OFD1: variants seen among roughly 807,000 people sequenced by gnomAD.
OFD1 encodes OFD1 centriole and centriolar satellite protein, also known as centriole and centriolar satellite protein OFD1.
OFD1 carries 12 observed loss-of-function variants against 81.4 expected under a neutral mutation model. That is an observed-to-expected ratio of 0.15 (90% CI 0.09 to 0.24). OFD1 has a LOEUF of 0.24. Ranked by LOEUF, OFD1 falls within the 10% of genes least tolerant of loss-of-function variation. OFD1 has a pLI of 1.00. For missense variants in OFD1, 685 were observed against 733.9 expected, an observed-to-expected ratio of 0.93 and a Z score of 0.77; for synonymous variants, 256 against 263.7, an observed-to-expected ratio of 0.97 and a Z score of 0.28.
upstream of OFD1, among the ~76,000 whole-genome samples, chrX:13,733,430 A>T (rs781353679): frequency 5.4e-5 from 6 of 111,651 alleles, no homozygotes; most frequent in Non-Finnish European, 1.1e-4. Context: ...CATGCCTGGA[A>T]TGTTCTCCTT....
the OFD1 span, chrX:13,716,589 C>T: frequency 8.3e-7 from 1 of 1,211,717 alleles, no homozygotes; most frequent in Non-Finnish European, 1.1e-6. Flanking sequence ...CCACAGTTTT[C>T]AAGTACATGT....
chrX:13,736,099 C>T, intron 2 of OFD1: 1 of 806,405 alleles, frequency 1.2e-6, no homozygotes, highest in Non-Finnish European at 1.5e-6. Context: ...TGGTTATATT[C>T]TCCAACAGTC....
chrX:13,736,399 T>C, intron 2 of OFD1, 79 bp from the exon 3 acceptor site: 3 of 1,099,097 alleles, frequency 2.7e-6, no homozygotes, highest in Non-Finnish European at 3.8e-6. Context: ...CTCATCTGTG[T>C]ATATCTCTAA....
At chrX:13,762,219 T>G in intron 17 of OFD1, 125 bp from the exon 18 acceptor site, 1 of 518,157 alleles carries the variant, frequency 1.9e-6, no homozygotes, top group Non-Finnish European at 3.5e-6. Flanking sequence ...GGTGGAGCTA[T>G]TTACAAGACA....
chrX:13,764,849 A>G (rs56922570), intron 19 of OFD1, among the ~76,000 whole-genome samples: 238 of 111,477 alleles, frequency 2.1e-3, no homozygotes, highest in African/African-American at 7.6e-3. Flanking sequence ...CGCTGAGCAT[A>G]TAGCTCAAGC....
chrX:13,769,431 T>TA (rs2048259638), downstream of OFD1: 2 of 215,778 alleles, frequency 9.3e-6, no homozygotes, highest in East Asian at 2.0e-4. Context: ...ATTTTGGAAG[T>TA]ATAAGCTGTG....
At chrX:13,742,869 A>G (rs2047161437) in intron 5 of OFD1, among the ~76,000 whole-genome samples, 1 of 111,380 alleles carries the variant, frequency 9.0e-6, no homozygotes, top group Non-Finnish European at 1.9e-5. Context: ...CGAAACCCAT[A>G]GAGCTTTACG....
rs1200606746 is a variant in OFD1, at chrX:13,753,126, C to G, written c.1056-242C>G. On this transcript the variant is annotated intron_variant, in intron 10 of 22. Coordinates refer to ENST00000340096, the MANE Select transcript of OFD1 (RefSeq NM_003611.3). ...TTCAGTAAGTAACCTTATGATAACA[C>G]GACGCTTCATTTTGTGTGATTGAGT... is the stretch of plus-strand genomic sequence containing the variant. The G allele has an allele frequency of 1.6e-5, 16 of 1,003,162 alleles. No individual in the cohort carries two copies. In the East Asian group the frequency reaches 5.0e-4, roughly 32 times the overall value. 82.7% of individuals were successfully genotyped at this position (1,003,162 alleles called of 1,213,427 possible).
chrX:13,722,786 A>G, the OFD1 span, among the ~76,000 whole-genome samples: 10 of 111,859 alleles, frequency 8.9e-5, no homozygotes, highest in South Asian at 1.5e-3. Flanking sequence ...AGTGTAGGCC[A>G]GGCGCGGTGG....
chrX:13,773,067 T>G, downstream of OFD1: 1 of 1,175,688 alleles, frequency 8.5e-7, no homozygotes, highest in Non-Finnish European at 1.2e-6. Context: ...CTAGTGAGCA[T>G]TGTGAGAAGG....
At chrX:13,720,130 C>T in the OFD1 span, 1 of 344,669 alleles carries the variant, frequency 2.9e-6, no homozygotes, top group Admixed American at 5.4e-5. Flanking sequence ...AGTATACTAG[C>T]GAAGATACGT....
chrX:13,716,378 C>T, the OFD1 span: 18 of 682,420 alleles, frequency 2.6e-5, no homozygotes, highest in Non-Finnish European at 3.9e-5. Flanking sequence ...ATGTTTTTCC[C>T]CCCTAAAAAA....
Position 13,753,456 on chromosome X carries a change from G to A in OFD1, c.1129+15G>A, listed in dbSNP as rs747840737. On this transcript the variant is annotated intron_variant, in intron 11 of 22. Transcript: ENST00000340096. ...GAAGAATAAAGGTGATGTTTGGGGG[G>A]AAAATAAGCTGTATTTTTCAGTTCT... The A allele has an allele frequency of 3.3e-6, 4 of 1,204,971 alleles. No homozygotes were observed. The highest frequency in any genetic ancestry group is 4.4e-5 in the Admixed American group (2 of 45,956).
At chrX:13,731,372 C>T (rs2046673969), upstream of OFD1, among the ~76,000 whole-genome samples, 1 of 112,346 alleles carries the variant, frequency 8.9e-6, no homozygotes, top group African/African-American at 3.2e-5. Context: ...TATACATTAA[C>T]TCATTTAATG....
At chrX:13,736,071 C>G (rs1387952415) in intron 2 of OFD1, 1 of 683,209 alleles carries the variant, frequency 1.5e-6, no homozygotes, top group African/African-American at 2.4e-5. Context: ...TATAGCAGTC[C>G]CCTGTTGTTG....
intron 15 of OFD1, among the ~76,000 whole-genome samples, chrX:13,759,849 T>C (rs1324840202): frequency 6.2e-5 from 7 of 112,249 alleles, no homozygotes; most frequent in Non-Finnish European, 1.3e-4. Flanking sequence ...GAATAAATTT[T>C]CAGTTCTCAG....
chrX:13,755,989 C>T (rs539829905), intron 12 of OFD1, among the ~76,000 whole-genome samples: 188 of 45,602 alleles, frequency 4.1e-3, no homozygotes, highest in Non-Finnish European at 6.0e-3. Context: ...CTTGTTCTTT[C>T]GCCCAGGCTG....
At chrX:13,722,907 C>G in the OFD1 span, among the ~76,000 whole-genome samples, 1 of 110,243 alleles carries the variant, frequency 9.1e-6, no homozygotes, top group Admixed American at 9.6e-5. Flanking sequence ...ACTAAAAATA[C>G]AAAAAATTAG....
downstream of OFD1, among the ~76,000 whole-genome samples, chrX:13,770,563 C>G: frequency 8.9e-6 from 1 of 112,562 alleles, no homozygotes; most frequent in East Asian, 2.8e-4. Flanking sequence ...CAGAGTAAAT[C>G]TTTCAATAGA....
Sources: allele counts gnomAD v4.1 joint callset (sites outside exome capture counted in the v4.1 genomes callset), GRCh38; gene constraint gnomAD v4.1.1; transcripts MANE v1.5; gene names NCBI Gene and HGNC (gene_info 2026-07-23, HGNC 2026-07-21).